MYRIP: variants seen among roughly 807,000 people sequenced by gnomAD.
The protein encoded by MYRIP is rab effector MyRIP.
MYRIP carries 49 observed loss-of-function variants against 98.0 expected under a neutral mutation model. The ratio of observed to expected loss-of-function variants is 0.50; its 90% CI spans 0.40 to 0.63. MYRIP has a LOEUF of 0.63. Ranked by LOEUF, MYRIP falls within the 30% of genes least tolerant of loss-of-function variation. The pLI, the probability that MYRIP is intolerant of heterozygous loss-of-function variation, is 0.00. For missense variants in MYRIP, 1,004 were observed against 1,058.2 expected, an observed-to-expected ratio of 0.95 and a Z score of 0.71; for synonymous variants, 404 against 409.5, an observed-to-expected ratio of 0.99 and a Z score of 0.16.
chr3:39,974,740 T>C (rs1189896570), intron 2 of MYRIP, among the ~76,000 whole-genome samples: 1 of 152,156 alleles, frequency 6.6e-6, no homozygotes, highest in African/African-American at 2.4e-5. Flanking sequence ...CAAGGCTGGT[T>C]CAACATATGC....
chr3:40,135,046 G>A (rs992339264), intron 3 of MYRIP, among the ~76,000 whole-genome samples: 6 of 152,220 alleles, frequency 3.9e-5, no homozygotes, highest in East Asian at 1.9e-4. Context: ...TGACTTTGAC[G>A]AGTTGAGAAA....
At position 39,888,551 on chromosome 3, in the gene MYRIP, C is replaced by T. The variant is rs867543986; in HGVS notation, c.-30-12236C>T. ...ATTCAAGATGGATTAAAGACTTAAACGTTAGACCTAAAACCATAAAAACCC... is the reference window on the plus strand; with the variant it reads ...ATTCAAGATGGATTAAAGACTTAAATGTTAGACCTAAAACCATAAAAACCC... On this transcript the variant is annotated intron_variant, in intron 1 of 16. Transcript: ENST00000302541. Among the ~76,000 whole-genome samples, 8 of 152,224 alleles carry T rather than the reference C, an allele frequency of 5.3e-5. No homozygotes were observed. The East Asian group carries it at 7.7e-4, about 15-fold the overall frequency.
intron 11 of MYRIP, among the ~76,000 whole-genome samples, chr3:40,215,060 G>A (rs1952075448): frequency 1.3e-5 from 2 of 152,148 alleles, no homozygotes; most frequent in Admixed American, 1.3e-4. Flanking sequence ...GATGAAAAAA[G>A]ATGTCCTATG....
chr3:39,814,926 A>G (rs1940847834), intron 1 of MYRIP, among the ~76,000 whole-genome samples: 3 of 152,200 alleles, frequency 2.0e-5, no homozygotes, highest in Non-Finnish European at 4.4e-5. Flanking sequence ...AGGTCATTCT[A>G]CAAGGCTTTA....
intron 4 of MYRIP, among the ~76,000 whole-genome samples, chr3:40,156,845 T>A (rs1950254175): frequency 6.6e-6 from 1 of 152,248 alleles, no homozygotes; most frequent in African/African-American, 2.4e-5. Flanking sequence ...ATTGATTTTG[T>A]ATCCTGAAGA....
At chr3:39,948,180 A>G (rs1944940444) in intron 2 of MYRIP, among the ~76,000 whole-genome samples, 1 of 152,288 alleles carries the variant, frequency 6.6e-6, no homozygotes, top group African/African-American at 2.4e-5. Context: ...GAACAACCTA[A>G]AAATGTGTCA....
At chr3:40,177,483 C>T (rs1950791476) in intron 8 of MYRIP, among the ~76,000 whole-genome samples, 1 of 152,178 alleles carries the variant, frequency 6.6e-6, no homozygotes, top group South Asian at 2.1e-4. Context: ...GCAGAATCCC[C>T]AATCCCCATC....
chr3:40,028,453 T>A (rs1294971481), intron 2 of MYRIP, among the ~76,000 whole-genome samples: 1 of 152,190 alleles, frequency 6.6e-6, no homozygotes, highest in Non-Finnish European at 1.5e-5. Context: ...TAGCCAAATA[T>A]GTTCAAATGT....
intron 11 of MYRIP, among the ~76,000 whole-genome samples, chr3:40,220,402 T>A (rs1952302452): frequency 6.6e-6 from 1 of 152,228 alleles, no homozygotes; most frequent in Non-Finnish European, 1.5e-5. Context: ...AGACATGAAG[T>A]CCTTGCTCAT....
intron 10 of MYRIP, among the ~76,000 whole-genome samples, chr3:40,205,413 G>A (rs2679808): frequency 0.46 from 69,564 of 151,946 alleles, 16,821 homozygotes; most frequent in Non-Finnish European, 0.55. Context: ...AAGAAAATGA[G>A]GACACAAGGG....
rs137864853 is a variant in MYRIP, at chr3:40,063,576, T to C, written c.332+19305T>C. On this transcript the variant is annotated intron_variant, in intron 3 of 16. Transcript: ENST00000302541. ...TTCACTTGCATCTTTGTATATAATT[T>C]TGGAAGTAGAAATTGTTGGTCTGTG... is the stretch of plus-strand genomic sequence containing the variant. 1.2e-4 allele frequency among the ~76,000 whole-genome samples: 19 copies of C among 152,376 alleles called. No homozygotes were observed. The East Asian group carries it at 3.1e-3, about 25-fold the overall frequency.
chr3:39,943,902 T>C (rs1598997), intron 2 of MYRIP, among the ~76,000 whole-genome samples: 28,931 of 151,920 alleles, frequency 0.19, 4,006 homozygotes, highest in African/African-American at 0.39. Context: ...AGCTTTATAG[T>C]GGTAGGGTGT....
chr3:39,965,114 C>A (rs956065700), intron 2 of MYRIP, among the ~76,000 whole-genome samples: 1 of 151,940 alleles, frequency 6.6e-6, no homozygotes, highest in African/African-American at 2.4e-5. Context: ...TTCTCCATGT[C>A]TTTCCATAAA....
At chr3:39,924,197 AT>A (rs1176661427) in intron 2 of MYRIP, among the ~76,000 whole-genome samples, 1 of 152,144 alleles carries the variant, frequency 6.6e-6, no homozygotes, top group African/African-American at 2.4e-5. Flanking sequence ...AGCAAAGTGG[AT>A]TTAAAAAACA....
intron 4 of MYRIP, among the ~76,000 whole-genome samples, chr3:40,160,088 C>T (rs1950347977): frequency 2.0e-5 from 3 of 152,126 alleles, no homozygotes; most frequent in Non-Finnish European, 4.4e-5. Flanking sequence ...TTAGAGTTTC[C>T]AGTTTTTCTG....
At chr3:40,014,030 T>A (rs1946812576) in intron 2 of MYRIP, among the ~76,000 whole-genome samples, 1 of 152,236 alleles carries the variant, frequency 6.6e-6, no homozygotes, top group Admixed American at 6.5e-5. Context: ...TCCATTTTCA[T>A]AAGGAGGAGG....
chr3:40,222,466 C>T (rs985013755), intron 11 of MYRIP, among the ~76,000 whole-genome samples: 1 of 152,036 alleles, frequency 6.6e-6, no homozygotes, highest in African/African-American at 2.4e-5. Flanking sequence ...GAGTTGAGTC[C>T]CACCTCCTAC....
chr3:40,234,115 T>C (rs1952750555), intron 12 of MYRIP, 62 bp downstream of exon 12: 1 of 1,504,608 alleles, frequency 6.6e-7, no homozygotes, highest in East Asian at 2.3e-5. Flanking sequence ...GCTGATGAAA[T>C]TGTAGCTTAT....
chr3:39,940,487 A>G (rs1165413518), intron 2 of MYRIP, among the ~76,000 whole-genome samples: 1 of 152,128 alleles, frequency 6.6e-6, no homozygotes, highest in Non-Finnish European at 1.5e-5. Flanking sequence ...TGAATGTTGT[A>G]CTAGATCTTT....
Sources: allele counts gnomAD v4.1 joint callset (sites outside exome capture counted in the v4.1 genomes callset), GRCh38; gene constraint gnomAD v4.1.1; transcripts MANE v1.5; gene names NCBI Gene and HGNC (gene_info 2026-07-23, HGNC 2026-07-21).